The following CCNH variants were observed in gnomAD, a reference collection of about 807,000 sequenced individuals.
CCNH encodes cyclin H.
In CCNH, 31 loss-of-function variants were observed where a neutral mutation model predicts 41.9. That is an observed-to-expected ratio of 0.74 (90% CI 0.56 to 1.00). The LOEUF is 1.00. Among genes scored for constraint, CCNH ranks in the 50% least tolerant of loss-of-function variants. The pLI, the probability that CCNH is intolerant of heterozygous loss-of-function variation, is 0.00. For synonymous variants in CCNH, 138 were observed against 136.1 expected, an observed-to-expected ratio of 1.01 and a Z score of -0.10; for missense variants, 362 against 388.4, an observed-to-expected ratio of 0.93 and a Z score of 0.57.
At chr5:87,348,583 T>C (rs926999098) in intron 9 of CCNH, among the ~76,000 whole-genome samples, 5 of 152,030 alleles carry the variant, frequency 3.3e-5, no homozygotes, top group African/African-American at 2.4e-5. Flanking sequence ...TCAGTTGTTT[T>C]GAATCTACCT....
Position 87,376,411 on chromosome 5 carries a change from T to G in CCNH, n.770A>C, listed in dbSNP as rs764434977. On this transcript the variant is annotated non_coding_transcript_exon_variant, in exon 1 of 1. Coordinates refer to the CCNH transcript ENST00000607486. The stretch of plus-strand genomic sequence containing the variant: ...TCCCAAGTATTTATGCGCTGCCAGT[T>G]GAGCCGATTACAGAAAGGGCATGCC... 3.1e-6 allele frequency: 5 copies of G among 1,613,904 alleles called. No individual in the cohort carries two copies. In the Admixed American group the frequency reaches 5.0e-5, roughly 16 times the overall value.
rs767878415 is a variant in CCNH at position 87,394,510 on chromosome 5, G to A, written c.934-26C>T. 7 of 1,612,724 alleles carry A rather than the reference G, an allele frequency of 4.3e-6. No individual in the cohort carries two copies. In the South Asian group the frequency reaches 6.6e-5, roughly 15 times the overall value. ...CTAAGAAGGAAAAAAAGTGTGGTAA[G>A]GATAACACTGAAGCATAACCAGTAT... is the stretch of plus-strand genomic sequence containing the variant. On this transcript the variant is annotated intron_variant, in intron 8 of 8. Transcript: ENST00000256897.
chr5:87,394,501 GTGTGGTAAGGA>G lies in CCNH; in HGVS notation c.934-28_934-18del. ...CCATTCTTCCTAAGAAGGAAAAAAA[GTGTGGTAAGGA>G]TAACACTGAAGCATAACCAGTATTG... On this transcript the variant is annotated intron_variant, in intron 8 of 8. Transcript: ENST00000256897. 1.2e-6 allele frequency: 2 copies of G among 1,613,376 alleles called. No individual in the cohort carries two copies. Among genetic ancestry groups the G allele is most frequent in the Non-Finnish European group, 1.7e-6 (2 of 1,179,550 alleles).
At chr5:87,377,338 T>G (rs1249920757), upstream of CCNH, among the ~76,000 whole-genome samples, 1 of 152,048 alleles carries the variant, frequency 6.6e-6, no homozygotes, top group Non-Finnish European at 1.5e-5. Flanking sequence ...ATTCTCTTGT[T>G]TTTTATTTTC....
At chr5:87,369,729 TTATTG>T in intron 9 of CCNH, 2 of 845,022 alleles carry the variant, frequency 2.4e-6, no homozygotes, top group Non-Finnish European at 3.9e-6. Flanking sequence ...TGTTAATTAT[TTATTG>T]TGAGTGTTTT....
chr5:87,396,143 T>C (rs906437032), intron 7 of CCNH, among the ~76,000 whole-genome samples: 1 of 152,132 alleles, frequency 6.6e-6, no homozygotes, highest in Admixed American at 6.5e-5. Context: ...TTACATTGTA[T>C]TTAGGTATTA....
In CCNH at chr5:87,369,815, C is replaced by G; in HGVS notation, c.*90+22955G>C. On this transcript the variant is annotated intron_variant and NMD_transcript_variant, in intron 9 of 9. Transcript: ENST00000645953. ...TAATTTTTGTTTTTATTTTAAAGGCCAAACTGTTTTCAGATAGTAGTTCAG... is the reference window on the plus strand; with the variant it reads ...TAATTTTTGTTTTTATTTTAAAGGCGAAACTGTTTTCAGATAGTAGTTCAG... The G allele has an allele frequency of 6.2e-7, 1 of 1,609,302 alleles. No homozygotes were observed. Among genetic ancestry groups the G allele is most frequent in the Non-Finnish European group, 8.5e-7 (1 of 1,177,142 alleles).
intron 2 of CCNH, among the ~76,000 whole-genome samples, chr5:87,410,952 T>C (rs1157816041): frequency 1.3e-5 from 2 of 152,234 alleles, no homozygotes; most frequent in Non-Finnish European, 1.5e-5. Flanking sequence ...GTTGAGAACT[T>C]AGAGGAAAGT....
At chr5:87,355,493 A>G (rs1448823088) in intron 9 of CCNH, among the ~76,000 whole-genome samples, 1 of 152,202 alleles carries the variant, frequency 6.6e-6, no homozygotes, top group Non-Finnish European at 1.5e-5. Flanking sequence ...GCTCAGAACA[A>G]ACAATTCCTT....
chr5:87,335,427 T>G (rs918885846), intron 9 of CCNH, among the ~76,000 whole-genome samples: 11 of 142,598 alleles, frequency 7.7e-5, no homozygotes, highest in South Asian at 2.4e-4. Context: ...AGGTTTTTTT[T>G]TTTTTTTTTT....
chr5:87,388,888 T>C (rs1762255754), downstream of CCNH, among the ~76,000 whole-genome samples: 1 of 152,126 alleles, frequency 6.6e-6, no homozygotes. Context: ...GTTCTAGATT[T>C]TTTCAGATAC....
At chr5:87,364,236 C>A (rs1157061495) in intron 9 of CCNH, among the ~76,000 whole-genome samples, 4 of 152,076 alleles carry the variant, frequency 2.6e-5, no homozygotes, top group Non-Finnish European at 4.4e-5. Context: ...GGCAAATCTA[C>A]GTTTTATCCT....
At chr5:87,391,038 T>TGAA, downstream of CCNH, 2 of 755,816 alleles carry the variant, frequency 2.6e-6, no homozygotes, top group South Asian at 3.0e-5. Flanking sequence ...ATTCTGCTGG[T>TGAA]GAATAACTAT....
chr5:87,383,824 T>TG, intron 9 of CCNH: 1 of 1,496,666 alleles, frequency 6.7e-7, no homozygotes, highest in Non-Finnish European at 9.3e-7. Flanking sequence ...ATATTAGAAT[T>TG]AACAGTTTCA....
At chr5:87,384,063 G>T (rs1761908522) in intron 9 of CCNH, among the ~76,000 whole-genome samples, 1 of 151,760 alleles carries the variant, frequency 6.6e-6, no homozygotes, top group South Asian at 2.1e-4. Context: ...TATAATAAGT[G>T]ACTTCTTGTA....
chr5:87,337,992 G>A, intron 9 of CCNH: 1 of 1,609,836 alleles, frequency 6.2e-7, no homozygotes. Flanking sequence ...AAGGAGATAT[G>A]TTCATTGTTC....
chr5:87,394,175 T>TATCA (rs1332299785), downstream of CCNH: 11 of 902,240 alleles, frequency 1.2e-5, no homozygotes, highest in African/African-American at 1.2e-4. Context: ...TAGGTTTGCC[T>TATCA]ATCATATTTT....
intron 9 of CCNH, among the ~76,000 whole-genome samples, chr5:87,382,707 G>A (rs1761804077): frequency 6.6e-6 from 1 of 152,114 alleles, no homozygotes; most frequent in South Asian, 2.1e-4. Flanking sequence ...ATATATGACA[G>A]CTGTTAGTAT....
chr5:87,344,071 G>A (rs1417519963), intron 9 of CCNH, among the ~76,000 whole-genome samples: 5 of 152,142 alleles, frequency 3.3e-5, no homozygotes. Flanking sequence ...GGTGGGAAGG[G>A]TAGCAGGGAA....
Sources: allele counts gnomAD v4.1 joint callset (sites outside exome capture counted in the v4.1 genomes callset), GRCh38; gene constraint gnomAD v4.1.1; transcripts MANE v1.5; gene names NCBI Gene and HGNC (gene_info 2026-07-23, HGNC 2026-07-21).